Variants in SEMA7A observed in about 807,000 individuals in gnomAD.
The protein encoded by SEMA7A is semaphorin 7A (JohnMiltonHagen blood group), also known as semaphorin-7A.
SEMA7A carries 21 observed loss-of-function variants against 67.5 expected under a neutral mutation model. That is an observed-to-expected ratio of 0.31 (90% confidence interval 0.22 to 0.45). The LOEUF is 0.45. SEMA7A is among the 20% of genes least tolerant of loss of function. SEMA7A has a pLI of 1.00. For synonymous variants in SEMA7A, 364 were observed against 368.5 expected (o/e 0.99, Z 0.14); for missense variants, 774 against 908.6 (o/e 0.85, Z 1.90).
chr15:74,427,271 G>A (rs991622052), intron 1 of SEMA7A: 1 of 985,318 alleles, frequency 1.0e-6, no homozygotes. Context: ...CTTGCTCCAA[G>A]TCTTCCATTC....
At position 74,423,818 on chromosome 15, in the gene SEMA7A, A is replaced by G. The variant is rs948851395; in HGVS notation, c.179-4866T>C. Among the ~76,000 whole-genome samples, 1 of 152,172 alleles carries G rather than the reference A, an allele frequency of 6.6e-6. No individual in the cohort carries two copies. Among genetic ancestry groups the G allele is most frequent in the East Asian group, 1.9e-4 (1 of 5,192 alleles). On this transcript the variant is annotated intron_variant, in intron 1 of 13. Transcript: ENST00000261918. This position sits in a 1 kb window ranked among gnomAD's most constrained non-coding sequence, Gnocchi z 4.1. ...GGAACAAATGTTTCTGTCTCTCCTG[A>G]TATGGCCAGGAAGAGGGTGTGAGAA...
At chr15:74,417,041 G>A (rs1267719484) in intron 6 of SEMA7A, among the ~76,000 whole-genome samples, 2 of 152,274 alleles carry the variant, frequency 1.3e-5, no homozygotes, top group East Asian at 3.9e-4. Context: ...GTTGGGGGCT[G>A]CCTCCACGTG....
rs182064074 is a variant in SEMA7A, at chr15:74,414,191, C to T, written c.1294+356G>A. Among the ~76,000 whole-genome samples the T allele has an allele frequency of 1.2e-4, 19 of 152,318 alleles. No homozygotes were observed. The highest frequency in any genetic ancestry group is 4.3e-4 in the African/African-American group (18 of 41,564). ...ATTCTGCCTGGCAGAGGCCAGTATC[C>T]CTGTGGTTCAGGCCCCTCCTCCTCA... On this transcript the variant is annotated intron_variant, in intron 10 of 13. Coordinates refer to ENST00000261918, the MANE Select transcript of SEMA7A (RefSeq NM_003612.5). This position sits in a 1 kb window ranked among gnomAD's most constrained non-coding sequence, Gnocchi z 4.1.
chr15:74,409,572 C>T lies in SEMA7A; in HGVS notation c.*1052G>A, dbSNP rs1205489581. 2 of 152,322 alleles carry T rather than the reference C, an allele frequency of 1.3e-5. No individual in the cohort carries two copies. 9.4% of individuals were successfully genotyped at this position (152,322 alleles called of 1,614,324 possible). On this transcript the variant is annotated 3_prime_UTR_variant, in exon 14 of 14. Transcript: ENST00000261918. ...GTGGGAGGCTAGGAGCATGGAAGCACAGCCCCTGGGGAAGGGGGCTGAGAG... is the reference window on the plus strand; with the variant it reads ...GTGGGAGGCTAGGAGCATGGAAGCATAGCCCCTGGGGAAGGGGGCTGAGAG...
intron 6 of SEMA7A, 29 bp from the exon 7 acceptor site, chr15:74,416,743 A>T: frequency 6.2e-7 from 1 of 1,608,532 alleles, no homozygotes; most frequent in East Asian, 2.2e-5. Context: ...AGTGGGCGTA[A>T]GGCTGGGAAG....
chr15:74,433,084 G>A (rs1420733996), intron 1 of SEMA7A, among the ~76,000 whole-genome samples: 3 of 152,166 alleles, frequency 2.0e-5, no homozygotes, highest in Non-Finnish European at 2.9e-5. Flanking sequence ...TGCCACGTGC[G>A]GGCAAGGGGG....
chr15:74,431,791 G>C (rs1287290087), intron 1 of SEMA7A, among the ~76,000 whole-genome samples: 1 of 151,338 alleles, frequency 6.6e-6, no homozygotes, highest in Admixed American at 6.6e-5. Flanking sequence ...GGCAGGGCCT[G>C]TCTGGCCAGT....
chr15:74,415,392 C>T (rs1313620115), intron 8 of SEMA7A, among the ~76,000 whole-genome samples: 3 of 152,174 alleles, frequency 2.0e-5, no homozygotes, highest in Admixed American at 1.3e-4. Context: ...TTCCGCCTGC[C>T]GTGTGTTCAA....
intron 1 of SEMA7A, among the ~76,000 whole-genome samples, chr15:74,428,567 C>T (rs2061060865): frequency 2.6e-5 from 4 of 152,226 alleles, no homozygotes; most frequent in South Asian, 2.1e-4. Flanking sequence ...TGAGAAAGAA[C>T]CAGCAGCCTC....
chr15:74,419,438 C>T (rs1325284917), intron 1 of SEMA7A, among the ~76,000 whole-genome samples: 1 of 152,162 alleles, frequency 6.6e-6, no homozygotes. Context: ...CCCTTGGAGT[C>T]CAGGTTCCCA....
Position 74,409,902 on chromosome 15 carries a change from C to G in SEMA7A, c.*722G>C, listed in dbSNP as rs1477491703. On this transcript the variant is annotated 3_prime_UTR_variant, in exon 14 of 14. Transcript: ENST00000261918. ...GGGAGCCTCAGACTGGGATCACCCCCGCTCCCCAACCCATCCCTTCCCAGC... is the reference window on the plus strand; with the variant it reads ...GGGAGCCTCAGACTGGGATCACCCCGGCTCCCCAACCCATCCCTTCCCAGC... The G allele has an allele frequency of 6.6e-6, 1 of 151,646 alleles. No homozygotes were observed. The highest frequency in any genetic ancestry group is 1.5e-5 in the Non-Finnish European group (1 of 67,844). 9.4% of individuals were successfully genotyped at this position (151,646 alleles called of 1,614,324 possible).
At chr15:74,429,826 G>A (rs540880515) in intron 1 of SEMA7A, among the ~76,000 whole-genome samples, 3 of 152,104 alleles carry the variant, frequency 2.0e-5, no homozygotes, top group African/African-American at 7.2e-5. Context: ...GGTCCTAGCT[G>A]TAAGTTCTTG....
intron 1 of SEMA7A, among the ~76,000 whole-genome samples, chr15:74,432,395 G>A (rs1438665826): frequency 6.6e-6 from 1 of 152,080 alleles, no homozygotes; most frequent in Non-Finnish European, 1.5e-5. Context: ...CTCAGGCTGG[G>A]TAGCCGAGCT....
chr15:74,416,151 C>T (rs896083818), intron 7 of SEMA7A, among the ~76,000 whole-genome samples, 166 bp from the exon 8 acceptor site: 1 of 152,126 alleles, frequency 6.6e-6, no homozygotes, highest in East Asian at 1.9e-4. Context: ...GGCAGGTCTC[C>T]AGATGAGACT....
At chr15:74,422,385 G>C (rs2061007395) in intron 1 of SEMA7A, among the ~76,000 whole-genome samples, 1 of 152,112 alleles carries the variant, frequency 6.6e-6, no homozygotes, top group Non-Finnish European at 1.5e-5. Context: ...GAATAACCAG[G>C]GGCTCAGGTA....
At position 74,417,415 on chromosome 15, in the gene SEMA7A, T is replaced by A. The variant is rs758635980; in HGVS notation, c.581A>T (p.Gln194Leu). ...GDEVYSTIRK[Q>L]EYNGKIPRFR... ...CCGAGGGATCTTCCCATTGTATTCC[T>A]GCTTCCGGATGGTGGAATACACCTC... is the stretch of plus-strand genomic sequence containing the variant. Residue 194 changes from glutamine (Q) to leucine (L), a missense_variant, in exon 6 of 14, where the codon CAG (glutamine) becomes CTG (leucine). Gln to Leu is a moderately radical substitution (Grantham distance 113, BLOSUM62 -2). Transcript: ENST00000261918. 1.2e-6 allele frequency: 2 copies of A among 1,613,986 alleles called. No individual in the cohort carries two copies. Among genetic ancestry groups the A allele is most frequent in the South Asian group, 2.2e-5 (2 of 91,084 alleles).
chr15:74,415,651 C>G (rs565359788), intron 8 of SEMA7A, 150 bp downstream of exon 8: 1 of 749,604 alleles, frequency 1.3e-6, no homozygotes, highest in South Asian at 1.9e-5. Context: ...GGCTGTCCCC[C>G]CACCCCACAC....
At chr15:74,425,969 A>T (rs2061040675) in intron 1 of SEMA7A, among the ~76,000 whole-genome samples, 1 of 152,096 alleles carries the variant, frequency 6.6e-6, no homozygotes, top group Non-Finnish European at 1.5e-5. Flanking sequence ...CTGTAAACCC[A>T]CCAATTAAAA....
intron 1 of SEMA7A, 110 bp downstream of exon 1, chr15:74,433,631 C>T: frequency 7.7e-6 from 10 of 1,295,186 alleles, no homozygotes; most frequent in Non-Finnish European, 9.8e-6. Context: ...CGGGGACAGC[C>T]CGGGACCCGC....
Sources: allele counts gnomAD v4.1 joint callset (sites outside exome capture counted in the v4.1 genomes callset), GRCh38; gene constraint gnomAD v4.1.1; non-coding constraint Gnocchi (gnomAD v3.1); transcripts MANE v1.5; gene names NCBI Gene and HGNC (gene_info 2026-07-23, HGNC 2026-07-21).